Variants in RESF1 observed in about 807,000 individuals in gnomAD.
RESF1 encodes the protein gonad expressed transcript.
Under a neutral mutation model 134.7 loss-of-function variants are expected in RESF1, and 65 were observed. That is an observed-to-expected ratio of 0.48 (90% CI 0.40 to 0.59). RESF1 has a LOEUF of 0.59. Among genes scored for constraint, RESF1 ranks in the 20% least tolerant of loss-of-function variants. The probability of loss-of-function intolerance (pLI) is 0.00; values close to 1 mark genes in which losing one functional copy is unlikely to be tolerated. For missense variants in RESF1, 2,274 were observed against 2,002.7 expected (o/e 1.14, Z -2.59); for synonymous variants, 762 against 702.2 (o/e 1.09, Z -1.35).
chr12:31,987,241 T>G lies in RESF1; in HGVS notation c.5005T>G (p.Ser1669Ala). The G allele has an allele frequency of 1.3e-6, 2 of 1,507,884 alleles. No individual in the cohort carries two copies. The highest frequency in any genetic ancestry group is 1.8e-6 in the Non-Finnish European group (2 of 1,085,422). 93.4% of individuals were successfully genotyped at this position (1,507,884 alleles called of 1,614,324 possible). A position where few individuals can be genotyped will look rare whatever the true frequency, so the allele number is the denominator to read the frequency against. ...PRKEQAPLQV[S>A]GIKSTKEDWL... ...TCTGAAAATGAATATTTAAATAGTT[T>G]CAGGAATAAAAAGTACAAAAGAAGA... The change falls in exon 5 of 6, where the codon TCA (serine) becomes GCA (alanine). Residue 1669 changes from serine (S) to alanine (A), a missense_variant and splice_region_variant. Coordinates refer to ENST00000312561, the MANE Select transcript of RESF1 (RefSeq NM_018169.4).
intron 4 of RESF1, among the ~76,000 whole-genome samples, chr12:31,986,449 T>C (rs576800022): frequency 6.6e-6 from 1 of 152,338 alleles, no homozygotes; most frequent in South Asian, 2.1e-4. Flanking sequence ...CTAATTGTCC[T>C]CTTTGAAACA....
rs138851326 is a variant in RESF1, at chr12:31,981,391, G to A, written c.436G>A (p.Val146Ile). ...VSHQTDFGAN[V>I]PNMPALQSQL... Reference sequence around the variant, plus strand: ...TCATCAAACTGATTTTGGAGCTAACGTACCCAATATGCCGGCACTACAGAG... The same window carrying A: ...TCATCAAACTGATTTTGGAGCTAACATACCCAATATGCCGGCACTACAGAG... The change falls in exon 4 of 6, where the codon GTA becomes ATA. Residue 146 changes from valine to isoleucine, a missense_variant. By Grantham distance (29) the Val-to-Ile change is conservative. Transcript: ENST00000312561. 42 of 1,613,848 alleles carry A rather than the reference G, an allele frequency of 2.6e-5. No homozygotes were observed. Among genetic ancestry groups the A allele is most frequent in the African/African-American group, 4.0e-5 (3 of 74,912 alleles).
At position 31,984,617 on chromosome 12, in the gene RESF1, C is replaced by A. The variant is rs770754545; in HGVS notation, c.3662C>A (p.Thr1221Asn). The A allele has an allele frequency of 3.8e-6, 6 of 1,575,408 alleles. No individual in the cohort carries two copies. In the African/African-American group the frequency reaches 8.2e-5, roughly 22 times the overall value. Residue 1221 changes from threonine (T) to asparagine (N), a missense_variant, in exon 4 of 6, where the codon ACT (threonine) becomes AAT (asparagine). Thr to Asn is a moderately conservative substitution (Grantham distance 65). Coordinates refer to ENST00000312561, the MANE Select transcript of RESF1 (RefSeq NM_018169.4). ...AACAGTTGTAAACAAGGAGAGAGAA[C>A]TTCTGATAGAGATGTCACTGTTGTT... The part of the protein sequence containing the change: ...DTNSCKQGER[T>N]SDRDVTVVQF...
intron 1 of RESF1, among the ~76,000 whole-genome samples, chr12:31,960,070 C>G (rs559407410): frequency 1.3e-5 from 2 of 152,076 alleles, no homozygotes; most frequent in African/African-American, 4.8e-5. Flanking sequence ...CCAAGTGGTC[C>G]GCGAACGCTT....
At position 31,982,473 on chromosome 12, in the gene RESF1, T is replaced by C. The variant is rs1939823113; in HGVS notation, c.1518T>C (p.Asn506=). ...ACCAAGTTGATTCTGTTTTACCAAA[T>C]CCTGTCTATTCTGAAAAGCGGCCAA... is the stretch of plus-strand genomic sequence containing the variant. The part of the protein sequence containing the change: ...RFNQVDSVLP[N]PVYSEKRPMP... Residue 506 remains asparagine (N), a synonymous_variant, in exon 4 of 6, where the codon AAT becomes AAC. Transcript: ENST00000312561. 1 of 1,613,602 alleles carries C rather than the reference T, an allele frequency of 6.2e-7. No individual in the cohort carries two copies. The highest frequency in any genetic ancestry group is 8.5e-7 in the Non-Finnish European group (1 of 1,180,008).
intron 2 of RESF1, among the ~76,000 whole-genome samples, chr12:31,961,678 A>C (rs562913845): frequency 1.7e-4 from 26 of 152,184 alleles, no homozygotes; most frequent in African/African-American, 6.3e-4. Flanking sequence ...ATCCTCTTAG[A>C]TTCTCTTTTT....
In RESF1 at chr12:31,981,794, C is replaced by T. The variant is rs773904349; in HGVS notation, c.839C>T (p.Pro280Leu). ...ATQTDKRPPP[P>L]PYNCRYGSQP... is the part of the protein sequence containing the mutation. ...CAAACTGACAAAAGACCTCCTCCTCCTCCTTACAACTGTAGATATGGAAGC... is the reference window on the plus strand; with the variant it reads ...CAAACTGACAAAAGACCTCCTCCTCTTCCTTACAACTGTAGATATGGAAGC... The change falls in exon 4 of 6, where the codon CCT becomes CTT. Residue 280 changes from proline to leucine, a missense_variant. Physicochemically the swap from Pro to Leu is moderately conservative, Grantham distance 98. Transcript: ENST00000312561. 5 of 1,614,030 alleles carry T rather than the reference C, an allele frequency of 3.1e-6. No individual in the cohort carries two copies. In the East Asian group the frequency reaches 8.9e-5, roughly 29 times the overall value.
chr12:31,988,443 ATTAT>A (rs1940021498), intron 5 of RESF1, among the ~76,000 whole-genome samples: 1 of 152,232 alleles, frequency 6.6e-6, no homozygotes, highest in Non-Finnish European at 1.5e-5. Flanking sequence ...TAATCTAGAA[ATTAT>A]TTAAGGTATG....
Position 31,983,126 on chromosome 12 carries a change from A to C in RESF1, c.2171A>C (p.Asn724Thr). The C allele has an allele frequency of 1.2e-6, 2 of 1,611,106 alleles. No individual in the cohort carries two copies. Among genetic ancestry groups the C allele is most frequent in the Non-Finnish European group, 1.7e-6 (2 of 1,178,960 alleles). Residue 724 changes from asparagine (N) to threonine (T), a missense_variant, in exon 4 of 6, where the codon AAT becomes ACT. Physicochemically the swap from Asn to Thr is moderately conservative, Grantham distance 65 (BLOSUM62 0). Coordinates refer to ENST00000312561, the MANE Select transcript of RESF1 (RefSeq NM_018169.4). ...CCTTGTTCAGTTGTGGGAAATTCAA[A>C]TTCTCAGAATAAAATAAGTAATCCC... ...KSPCSVVGNS[N>T]SQNKISNPSQ...
chr12:31,982,174 T>G lies in RESF1; in HGVS notation c.1219T>G (p.Phe407Val), dbSNP rs1939814883. 1 of 1,610,968 alleles carries G rather than the reference T, an allele frequency of 6.2e-7. No individual in the cohort carries two copies. The highest frequency in any genetic ancestry group is 8.5e-7 in the Non-Finnish European group (1 of 1,179,330). Residue 407 changes from phenylalanine to valine, a missense_variant, in exon 4 of 6, where the codon TTT (phenylalanine) becomes GTT (valine). Phe to Val is a conservative substitution (Grantham distance 50). Coordinates refer to ENST00000312561, the MANE Select transcript of RESF1 (RefSeq NM_018169.4). The part of the protein sequence containing the change: ...IKTLVEIKQK[F>V]SELARKIKIN... ...AACATTAGTAGAGATAAAACAGAAG[T>G]TTTCAGAACTTGCAAGGAAAATTAA...
Position 31,981,566 on chromosome 12 carries a change from A to C in RESF1, c.611A>C (p.Lys204Thr). ...GATTGGACACAACAGTGTATATCTA[A>C]GGGACTGACTTACCCAGATTACAGA... The part of the protein sequence containing the change: ...QVDWTQQCIS[K>T]GLTYPDYRPP... Residue 204 changes from lysine (K) to threonine (T), a missense_variant, in exon 4 of 6, where the codon AAG (lysine) becomes ACG (threonine). Transcript: ENST00000312561. 6.2e-7 allele frequency: 1 copy of C among 1,614,186 alleles called. No homozygotes were observed. The highest frequency in any genetic ancestry group is 8.5e-7 in the Non-Finnish European group (1 of 1,180,032).
chr12:31,987,253 A>G lies in RESF1; in HGVS notation c.5017A>G (p.Ser1673Gly). 5 of 1,573,306 alleles carry G rather than the reference A, an allele frequency of 3.2e-6. No homozygotes were observed. Among genetic ancestry groups the G allele is most frequent in the Non-Finnish European group, 4.4e-6 (5 of 1,144,724 alleles). ...QAPLQVSGIK[S>G]TKEDWLKFVA... ...TATTTAAATAGTTTCAGGAATAAAA[A>G]GTACAAAAGAAGACTGGTTAAAATT... The change falls in exon 5 of 6, where the codon AGT becomes GGT. Residue 1673 changes from serine to glycine, a missense_variant. By Grantham distance (56) the Ser-to-Gly change is moderately conservative (BLOSUM62 0). Transcript: ENST00000312561.
At chr12:31,987,987 G>A (rs578233749) in intron 5 of RESF1, among the ~76,000 whole-genome samples, 3 of 152,120 alleles carry the variant, frequency 2.0e-5, no homozygotes, top group South Asian at 4.2e-4. Flanking sequence ...CACCTGCCTC[G>A]GCCTCCCAAA....
Position 31,982,136 on chromosome 12 carries a change from T to A in RESF1, c.1181T>A (p.Val394Glu). ...LDTSVAKEKL[V>E]RDIKTLVEIK... ...ACAAGTGTTGCAAAAGAAAAGCTAG[T>A]AAGGGATATTAAAACATTAGTAGAG... Residue 394 changes from valine (V) to glutamate (E), a missense_variant, in exon 4 of 6, where the codon GTA (valine) becomes GAA (glutamate). Transcript: ENST00000312561. The A allele has an allele frequency of 6.2e-7, 1 of 1,613,854 alleles. No homozygotes were observed. Among genetic ancestry groups the A allele is most frequent in the Non-Finnish European group, 8.5e-7 (1 of 1,179,916 alleles).
chr12:31,976,783 C>T (rs1008666441), intron 3 of RESF1, among the ~76,000 whole-genome samples: 4 of 151,874 alleles, frequency 2.6e-5, no homozygotes, highest in East Asian at 3.9e-4. Context: ...CTTAACTAGG[C>T]GGAGGAGGAG....
Position 31,989,163 on chromosome 12 carries a change from G to C in RESF1, c.5086+1841G>C, listed in dbSNP as rs377612118. 6.6e-5 allele frequency among the ~76,000 whole-genome samples: 10 copies of C among 151,098 alleles called. 3 individuals are homozygous for C. The highest frequency in any genetic ancestry group is 2.0e-4 in the East Asian group (1 of 4,962). On this transcript the variant is annotated intron_variant, in intron 5 of 5. Transcript: ENST00000312561. ...TGTAATCTCAGCACTTTGGGAGGCC[G>C]AGGCAGGCGGATCATGAGGTCAGGA... is the stretch of plus-strand genomic sequence containing the variant.
In RESF1 at chr12:31,968,366, C is replaced by A. The variant is rs111498125; in HGVS notation, c.-246-1823C>A. Among the ~76,000 whole-genome samples, 439 of 152,044 alleles carry A rather than the reference C, an allele frequency of 2.9e-3. 2 individuals carry two copies. The highest frequency in any genetic ancestry group is 0.01 in the African/African-American group (415 of 41,464). ...TGAAATGCTTACAGATGAAATCATG[C>A]TATGTCTGTGGTTGGCATAGATAGA... On this transcript the variant is annotated intron_variant, in intron 2 of 5. Coordinates refer to ENST00000312561, the MANE Select transcript of RESF1 (RefSeq NM_018169.4).
intron 2 of RESF1, among the ~76,000 whole-genome samples, chr12:31,963,053 T>G (rs1014201916): frequency 6.9e-6 from 1 of 144,282 alleles, no homozygotes; most frequent in Non-Finnish European, 1.5e-5. Flanking sequence ...GGTGACAGAG[T>G]GAGACTCTGT....
Position 31,984,932 on chromosome 12 carries a change from A to C in RESF1, c.3977A>C (p.His1326Pro), listed in dbSNP as rs368576980. ...QASQETRQKK[H>P]VTQNSRPLKT... is the part of the protein sequence containing the mutation. ...TCTCAGGAAACCCGACAGAAGAAAC[A>C]TGTAACACAGAACTCACGTCCACTA... Residue 1326 changes from histidine to proline, a missense_variant, in exon 4 of 6, where the codon CAT becomes CCT. By Grantham distance (77) the His-to-Pro change is moderately conservative. Transcript: ENST00000312561. 5 of 1,613,432 alleles carry C rather than the reference A, an allele frequency of 3.1e-6. No individual in the cohort carries two copies. The highest frequency in any genetic ancestry group is 4.2e-6 in the Non-Finnish European group (5 of 1,179,850).
Sources: allele counts gnomAD v4.1 joint callset (sites outside exome capture counted in the v4.1 genomes callset), GRCh38; gene constraint gnomAD v4.1.1; transcripts MANE v1.5; gene names NCBI Gene and HGNC (gene_info 2026-07-23, HGNC 2026-07-21).